The following SCFD2 variants were observed in gnomAD, a reference collection of about 807,000 sequenced individuals.
SCFD2 encodes sec1 family domain containing 2.
Under a neutral mutation model 58.9 loss-of-function variants are expected in SCFD2, and 54 were observed. The ratio of observed to expected loss-of-function variants is 0.92; its 90% confidence interval spans 0.74 to 1.15. The LOEUF is 1.15. SCFD2 is among the 50% of genes most tolerant of loss of function. SCFD2 has a pLI of 0.00. For synonymous variants in SCFD2, 321 were observed against 335.9 expected (o/e 0.96, Z 0.49); for missense variants, 805 against 836.6 (o/e 0.96, Z 0.47).
chr4:52,920,673 A>C (rs1198590229), intron 6 of SCFD2, 52 bp downstream of exon 6: 1 of 1,348,796 alleles, frequency 7.4e-7, no homozygotes, highest in African/African-American at 1.5e-5. Flanking sequence ...ATAGACTCTG[A>C]ATCCTAGAAG....
chr4:52,989,527 T>C (rs1721572979), intron 5 of SCFD2, among the ~76,000 whole-genome samples: 2 of 152,336 alleles, frequency 1.3e-5, no homozygotes, highest in South Asian at 2.1e-4. Flanking sequence ...CCATTTTAAA[T>C]ACAATGCAAA....
chr4:53,127,393 G>A (rs1320228571), intron 5 of SCFD2, among the ~76,000 whole-genome samples: 2 of 152,090 alleles, frequency 1.3e-5, no homozygotes, highest in African/African-American at 2.4e-5. Context: ...TATTTATTAA[G>A]AGTCTTCTAT....
chr4:53,365,309 C>T lies in SCFD2; in HGVS notation c.633G>A (p.Glu211=). ...CTAGGCATCTGATCTGCAGCAGCAG[C>T]TCTGGGGTTAGCGTAGTGGAGTCCA... The part of the protein sequence containing the change: ...GDVDSTTLTP[E]LLLQIRCLVS... The change falls in exon 1 of 9, where the codon GAG becomes GAA. Residue 211 remains glutamate (E), a synonymous_variant. Transcript: ENST00000401642. The surrounding 1 kb of genome is among the most constrained non-coding windows in gnomAD (Gnocchi z 4.3). The T allele has an allele frequency of 1.2e-6, 2 of 1,614,228 alleles. No individual in the cohort carries two copies. Among genetic ancestry groups the T allele is most frequent in the Non-Finnish European group, 1.7e-6 (2 of 1,180,048 alleles).
At chr4:53,326,494 T>G (rs528934568) in intron 2 of SCFD2, among the ~76,000 whole-genome samples, 3 of 151,954 alleles carry the variant, frequency 2.0e-5, no homozygotes, top group Non-Finnish European at 4.4e-5. Flanking sequence ...AGAGCTTCCT[T>G]AACCTGATAA....
intron 4 of SCFD2, among the ~76,000 whole-genome samples, chr4:53,238,535 C>T (rs1248684872): frequency 1.4e-4 from 21 of 151,444 alleles, no homozygotes; most frequent in Non-Finnish European, 2.4e-4. Context: ...GGGGTGGCTG[C>T]CGGGCGGAGA....
intron 5 of SCFD2, among the ~76,000 whole-genome samples, chr4:53,015,409 G>T (rs1686265393): frequency 6.6e-6 from 1 of 152,036 alleles, no homozygotes; most frequent in African/African-American, 2.4e-5. Context: ...TTTTTAGTAA[G>T]GAGTACAGGA....
intron 5 of SCFD2, among the ~76,000 whole-genome samples, chr4:53,056,335 G>A (rs1363556095): frequency 6.6e-6 from 1 of 152,160 alleles, no homozygotes; most frequent in African/African-American, 2.4e-5. Context: ...CATTCTCACA[G>A]TAAATCCCAA....
At chr4:52,911,946 A>G (rs991448704) in intron 6 of SCFD2, among the ~76,000 whole-genome samples, 2 of 152,160 alleles carry the variant, frequency 1.3e-5, no homozygotes, top group Non-Finnish European at 2.9e-5. Flanking sequence ...GTTTATTTGC[A>G]ATTCCTGCCA....
chr4:53,289,225 G>T (rs1577934121), intron 3 of SCFD2, among the ~76,000 whole-genome samples: 2 of 152,192 alleles, frequency 1.3e-5, no homozygotes, highest in South Asian at 4.2e-4. Context: ...ACTTAGCCAG[G>T]CATGGTGGCA....
rs1444593997 is a variant in SCFD2, at chr4:53,052,437, T to C, written c.1561+92896A>G. 2.0e-5 allele frequency among the ~76,000 whole-genome samples: 3 copies of C among 152,368 alleles called. No homozygotes were observed. In the East Asian group the frequency reaches 5.8e-4, roughly 29 times the overall value. On this transcript the variant is annotated intron_variant, in intron 5 of 8. Transcript: ENST00000401642. ...ACATGTCCCAGTGACTGGCATCTAG[T>C]ACATTCTCAACAATCATTCATTCAC...
intron 5 of SCFD2, among the ~76,000 whole-genome samples, chr4:53,100,051 T>C (rs1375207723): frequency 1.3e-5 from 2 of 151,974 alleles, no homozygotes; most frequent in Admixed American, 1.3e-4. Context: ...TAAAAGGAAA[T>C]CAGAATGGAC....
At chr4:52,935,796 C>T (rs958276452) in intron 5 of SCFD2, among the ~76,000 whole-genome samples, 5 of 152,192 alleles carry the variant, frequency 3.3e-5, no homozygotes, top group African/African-American at 1.2e-4. Flanking sequence ...ACAAATTCCA[C>T]TTCTGAGAAG....
chr4:53,108,811 C>T (rs1725082063), intron 5 of SCFD2, among the ~76,000 whole-genome samples: 2 of 152,226 alleles, frequency 1.3e-5, no homozygotes, highest in African/African-American at 4.8e-5. Context: ...GGCACCATTC[C>T]TTCTGAAACT....
intron 4 of SCFD2, among the ~76,000 whole-genome samples, chr4:53,165,696 C>T (rs1726986124): frequency 6.6e-6 from 1 of 152,050 alleles, no homozygotes; most frequent in South Asian, 2.1e-4. Context: ...GTTTATTGTC[C>T]GTCTGATTTC....
chr4:53,038,514 T>G (rs1294167870), intron 5 of SCFD2, among the ~76,000 whole-genome samples: 5 of 152,170 alleles, frequency 3.3e-5, no homozygotes, highest in Non-Finnish European at 5.9e-5. Context: ...TAAAACAGTT[T>G]GCTTTTAATT....
At chr4:53,017,896 G>A (rs1238041460) in intron 5 of SCFD2, among the ~76,000 whole-genome samples, 3 of 82,548 alleles carry the variant, frequency 3.6e-5, no homozygotes, top group Admixed American at 1.4e-4. Flanking sequence ...GTATCCAAAC[G>A]GCTCACAGCC....
At chr4:53,176,741 G>A (rs1180499117) in intron 4 of SCFD2, among the ~76,000 whole-genome samples, 1 of 152,142 alleles carries the variant, frequency 6.6e-6, no homozygotes, top group Non-Finnish European at 1.5e-5. Flanking sequence ...CCTGAGTTCA[G>A]GAGTTCTAGA....
chr4:53,151,549 T>C (rs2148918351), intron 4 of SCFD2, among the ~76,000 whole-genome samples: 1 of 152,298 alleles, frequency 6.6e-6, no homozygotes, highest in Non-Finnish European at 1.5e-5. Flanking sequence ...CTGGCTACCT[T>C]GGCAGGCATG....
intron 4 of SCFD2, among the ~76,000 whole-genome samples, chr4:53,255,118 G>A (rs1242550311): frequency 6.6e-6 from 1 of 150,798 alleles, no homozygotes; most frequent in Admixed American, 6.6e-5. Flanking sequence ...TGATCTGCCC[G>A]CCTTGGCCTC....
Sources: allele counts gnomAD v4.1 joint callset (sites outside exome capture counted in the v4.1 genomes callset), GRCh38; gene constraint gnomAD v4.1.1; non-coding constraint Gnocchi (gnomAD v3.1); transcripts MANE v1.5; gene names NCBI Gene and HGNC (gene_info 2026-07-23, HGNC 2026-07-21).